AGBL1: variants seen among roughly 807,000 people sequenced by gnomAD.
The protein encoded by AGBL1 is AGBL carboxypeptidase 1.
Under a neutral mutation model 118.9 loss-of-function variants are expected in AGBL1, and 130 were observed. The observed-to-expected ratio is 1.09, with a 90% confidence interval of 0.95 to 1.26. The LOEUF (loss-of-function observed/expected upper bound fraction) is 1.26, where lower values mean the gene tolerates loss of function less well. Among genes scored for constraint, AGBL1 ranks in the 50% most tolerant of loss-of-function variants. AGBL1 has a pLI of 0.00. For synonymous variants in AGBL1, 555 were observed against 478.9 expected, an observed-to-expected ratio of 1.16 and a Z score of -2.08; for missense variants, 1,584 against 1,298.1, an observed-to-expected ratio of 1.22 and a Z score of -3.38.
intron 18 of AGBL1, among the ~76,000 whole-genome samples, chr15:86,435,889 T>C (rs1330792662): frequency 2.0e-5 from 3 of 152,186 alleles, no homozygotes; most frequent in African/African-American, 7.2e-5. Context: ...TCTAGTTAAT[T>C]ACCAATATAT....
chr15:86,513,614 T>C (rs1383597871), intron 18 of AGBL1, among the ~76,000 whole-genome samples: 1 of 152,076 alleles, frequency 6.6e-6, no homozygotes, highest in Non-Finnish European at 1.5e-5. Context: ...CATTGCTGAT[T>C]GTTGCTTGTA....
chr15:86,535,009 A>C (rs1379427313), intron 19 of AGBL1, among the ~76,000 whole-genome samples: 1 of 152,240 alleles, frequency 6.6e-6, no homozygotes, highest in African/African-American at 2.4e-5. Flanking sequence ...TGCGTTTTTC[A>C]CTCTAGGTAC....
chr15:86,559,616 T>C (rs1387144993), intron 21 of AGBL1, among the ~76,000 whole-genome samples: 2 of 152,184 alleles, frequency 1.3e-5, no homozygotes, highest in Non-Finnish European at 2.9e-5. Flanking sequence ...TGCTAAGCCC[T>C]TTACATATCT....
chr15:86,748,129 C>T (rs1408673283), intron 22 of AGBL1, among the ~76,000 whole-genome samples: 1 of 152,160 alleles, frequency 6.6e-6, no homozygotes, highest in Non-Finnish European at 1.5e-5. Context: ...TCCACATCCT[C>T]TCCAGCACCT....
chr15:86,534,621 A>G (rs920323900), intron 19 of AGBL1, among the ~76,000 whole-genome samples: 6 of 152,160 alleles, frequency 3.9e-5, no homozygotes, highest in African/African-American at 1.4e-4. Flanking sequence ...GAGAGTCCAG[A>G]TGTTAGATAC....
At chr15:86,557,732 A>G (rs973257933) in intron 21 of AGBL1, among the ~76,000 whole-genome samples, 9 of 152,086 alleles carry the variant, frequency 5.9e-5, no homozygotes, top group African/African-American at 2.2e-4. Flanking sequence ...GCCTTTTACA[A>G]TCTCTTCTTT....
At chr15:86,806,291 G>C (rs114227480) in intron 22 of AGBL1, among the ~76,000 whole-genome samples, 33 of 152,262 alleles carry the variant, frequency 2.2e-4, no homozygotes, top group African/African-American at 7.9e-4. Flanking sequence ...GACTCTGCCA[G>C]ATCAATCTTA....
chr15:87,015,804 A>T (rs1209821539), intron 24 of AGBL1, among the ~76,000 whole-genome samples: 1 of 152,158 alleles, frequency 6.6e-6, no homozygotes, highest in Non-Finnish European at 1.5e-5. Context: ...CTAAAACATT[A>T]GGAGTAATTT....
chr15:86,808,145 A>G (rs934228268), intron 22 of AGBL1, among the ~76,000 whole-genome samples: 12 of 152,130 alleles, frequency 7.9e-5, no homozygotes, highest in African/African-American at 2.4e-4. Flanking sequence ...TAAATTTTCA[A>G]TCCATAAATC....
intron 22 of AGBL1, among the ~76,000 whole-genome samples, chr15:86,682,126 C>T (rs2085970046): frequency 6.6e-6 from 1 of 152,128 alleles, no homozygotes; most frequent in South Asian, 2.1e-4. Flanking sequence ...ATATCTGAGA[C>T]TATTCTTAGC....
rs559033776 is a variant in AGBL1 at position 86,618,159 on chromosome 15, C to T, written c.2995-56114C>T. 3.3e-5 allele frequency among the ~76,000 whole-genome samples: 5 copies of T among 152,260 alleles called. No individual in the cohort carries two copies. The South Asian group carries it at 1.0e-3, about 32-fold the overall frequency. ...CTTTAATTCCAAACTATGCAGGATG[C>T]TACTAAGTTTGATATCAGAGAAGAT... is the stretch of plus-strand genomic sequence containing the variant. On this transcript the variant is annotated intron_variant, in intron 21 of 22. Coordinates refer to ENST00000614907, the MANE Select transcript of AGBL1 (RefSeq NM_001386094.1).
At chr15:86,985,285 G>C (rs1193094994) in intron 23 of AGBL1, among the ~76,000 whole-genome samples, 3 of 152,108 alleles carry the variant, frequency 2.0e-5, no homozygotes, top group Non-Finnish European at 2.9e-5. Flanking sequence ...TCATATGGTA[G>C]GTTGTGTTTA....
intron 22 of AGBL1, among the ~76,000 whole-genome samples, chr15:86,692,366 C>T (rs1210881772): frequency 1.3e-5 from 2 of 151,852 alleles, no homozygotes; most frequent in Admixed American, 6.6e-5. Flanking sequence ...AGGTGAAGCA[C>T]CTTGGGAAAA....
intron 18 of AGBL1, among the ~76,000 whole-genome samples, chr15:86,401,359 G>T (rs191719184): frequency 6.6e-6 from 1 of 152,024 alleles, no homozygotes; most frequent in South Asian, 2.1e-4. Flanking sequence ...TTAGTCCTTC[G>T]TTGCATGCAT....
At chr15:86,662,619 C>T (rs1232613247) in intron 21 of AGBL1, among the ~76,000 whole-genome samples, 1 of 152,200 alleles carries the variant, frequency 6.6e-6, no homozygotes, top group Non-Finnish European at 1.5e-5. Flanking sequence ...CTTGTACTCA[C>T]TATCCCAATG....
chr15:86,134,251 C>T (rs1488494144), intron 1 of AGBL1, among the ~76,000 whole-genome samples: 2 of 152,150 alleles, frequency 1.3e-5, no homozygotes, highest in Non-Finnish European at 2.9e-5. Context: ...AACCAGTGGA[C>T]CATCTCTAGT....
chr15:86,117,478 C>T (rs907103288), intron 1 of AGBL1, among the ~76,000 whole-genome samples: 1 of 152,110 alleles, frequency 6.6e-6, no homozygotes, highest in African/African-American at 2.4e-5. Context: ...AGTTTTGTAA[C>T]TTCTATGACC....
chr15:86,160,775 C>T (rs182787152), intron 5 of AGBL1, among the ~76,000 whole-genome samples: 12 of 152,266 alleles, frequency 7.9e-5, no homozygotes, highest in South Asian at 2.1e-4. Flanking sequence ...CATCCACATA[C>T]GGGTCTCACT....
intron 22 of AGBL1, among the ~76,000 whole-genome samples, chr15:86,769,103 G>A (rs529780473): frequency 3.3e-5 from 5 of 150,896 alleles, no homozygotes; most frequent in Admixed American, 6.6e-5. Flanking sequence ...GATGGGACCT[G>A]TACATGCAAT....
Sources: gnomAD v4.1 joint callset for allele counts (sites outside exome capture counted in the v4.1 genomes callset) on GRCh38, gnomAD v4.1.1 for gene constraint, MANE v1.5 for transcripts, NCBI Gene and HGNC (gene_info 2026-07-23, HGNC 2026-07-21) for gene names.